SULF1: variants seen among roughly 807,000 people sequenced by gnomAD.
SULF1 encodes sulfatase 1.
Under a neutral mutation model 110.5 loss-of-function variants are expected in SULF1, and 46 were observed. The ratio of observed to expected loss-of-function variants is 0.42; its 90% CI spans 0.33 to 0.53. The LOEUF is 0.53. Among genes scored for constraint, SULF1 ranks in the 20% least tolerant of loss-of-function variants. The probability of loss-of-function intolerance (pLI) is 0.12; values close to 1 mark genes in which losing one functional copy is unlikely to be tolerated. For missense variants in SULF1, 941 were observed against 1,094.2 expected (o/e 0.86, Z 1.98); for synonymous variants, 371 against 387.1 (o/e 0.96, Z 0.49).
intron 3 of SULF1, among the ~76,000 whole-genome samples, chr8:69,512,509 C>T (rs1474141076): frequency 6.6e-6 from 1 of 152,210 alleles, no homozygotes; most frequent in East Asian, 1.9e-4. Flanking sequence ...GCTTGTGAAT[C>T]TGGGCAAGCC....
chr8:69,652,410 CTTGAG>C (rs1812411705), intron 22 of SULF1, among the ~76,000 whole-genome samples: 1 of 152,290 alleles, frequency 6.6e-6, no homozygotes, highest in African/African-American at 2.4e-5. Context: ...TGGAAGTTTT[CTTGAG>C]TTATCTGCTC....
At chr8:69,529,006 A>G (rs1176685658) in intron 3 of SULF1, among the ~76,000 whole-genome samples, 2 of 152,204 alleles carry the variant, frequency 1.3e-5, no homozygotes, top group Admixed American at 6.5e-5. Flanking sequence ...GGAACTTTCT[A>G]TGTACCAGCT....
chr8:69,616,115 GTATATATAATGTGTA>G (rs1460221097), intron 13 of SULF1, among the ~76,000 whole-genome samples: 1 of 145,546 alleles, frequency 6.9e-6, no homozygotes, highest in Non-Finnish European at 1.5e-5. Flanking sequence ...ATATGTGTGT[GTATATATAATGTGTA>G]TATATATACA....
chr8:69,477,947 C>G (rs1809370305), intron 1 of SULF1, among the ~76,000 whole-genome samples: 1 of 151,972 alleles, frequency 6.6e-6, no homozygotes, highest in Non-Finnish European at 1.5e-5. Flanking sequence ...GTGTTGACCT[C>G]CTGGGCTTAA....
intron 6 of SULF1, among the ~76,000 whole-genome samples, chr8:69,580,668 G>A (rs571436251): frequency 5.9e-5 from 9 of 152,154 alleles, no homozygotes; most frequent in South Asian, 4.1e-4. Flanking sequence ...CTAACACATG[G>A]TACATAAAAT....
intron 15 of SULF1, chr8:69,625,998 C>T (rs1161802797): frequency 3.3e-5 from 5 of 152,332 alleles, no homozygotes; most frequent in East Asian, 1.9e-4. Context: ...TCTCCAAGGC[C>T]CCACCAGAGC....
intron 3 of SULF1, among the ~76,000 whole-genome samples, chr8:69,552,916 T>A (rs1814832872): frequency 1.3e-5 from 2 of 152,192 alleles, no homozygotes; most frequent in South Asian, 4.1e-4. Flanking sequence ...AAAGGGAGAA[T>A]TTCCTAATCT....
At chr8:69,493,369 G>T (rs1241489060) in intron 1 of SULF1, among the ~76,000 whole-genome samples, 1 of 151,174 alleles carries the variant, frequency 6.6e-6, no homozygotes, top group Non-Finnish European at 1.5e-5. Context: ...CCCAGGCGAG[G>T]TACTGAAATT....
chr8:69,491,856 T>C (rs986712612), upstream of SULF1, among the ~76,000 whole-genome samples: 5 of 151,886 alleles, frequency 3.3e-5, no homozygotes, highest in Non-Finnish European at 7.4e-5. Context: ...GCATGCGGAA[T>C]GACAACAGAG....
upstream of SULF1, among the ~76,000 whole-genome samples, chr8:69,489,016 C>T (rs117460483): frequency 0.018 from 2,691 of 152,198 alleles, 24 homozygotes; most frequent in Middle Eastern, 0.034. Flanking sequence ...AGGAATGAGC[C>T]AGGTGGGCGT....
At chr8:69,563,654 T>C (rs1815668751) in intron 4 of SULF1, 43 bp downstream of exon 4, 1 of 255,292 alleles carries the variant, frequency 3.9e-6, no homozygotes, top group African/African-American at 2.2e-5. Context: ...GAGCTCTGTG[T>C]TGGAAATTCT....
At chr8:69,620,919 A>T in intron 13 of SULF1, 116 bp from the exon 14 acceptor site, 1 of 747,642 alleles carries the variant, frequency 1.3e-6, no homozygotes, top group Non-Finnish European at 2.1e-6. Flanking sequence ...CACTCTCCTT[A>T]ATGATATTGC....
intron 2 of SULF1, among the ~76,000 whole-genome samples, chr8:69,498,113 CCACACACACACA>C (rs71257190): frequency 3.0e-4 from 44 of 148,656 alleles, no homozygotes; most frequent in East Asian, 1.0e-3. Flanking sequence ...CTCTCTCTCT[CCACACACACACA>C]CACACACACA....
At chr8:69,498,100 T>C (rs907704339) in intron 2 of SULF1, among the ~76,000 whole-genome samples, 2 of 125,516 alleles carry the variant, frequency 1.6e-5, no homozygotes, top group Admixed American at 1.7e-4. Context: ...TCTCTCTCTG[T>C]CTCTCTCTCT....
intron 3 of SULF1, among the ~76,000 whole-genome samples, chr8:69,512,603 A>G (rs910812976): frequency 2.0e-5 from 3 of 152,304 alleles, no homozygotes; most frequent in Non-Finnish European, 4.4e-5. Flanking sequence ...GAGGGACTCA[A>G]AGAGAAGCTG....
At chr8:69,611,353 C>G (rs1808638952) in intron 13 of SULF1, among the ~76,000 whole-genome samples, 1 of 152,204 alleles carries the variant, frequency 6.6e-6, no homozygotes, top group Non-Finnish European at 1.5e-5. Flanking sequence ...TTGACTTTTA[C>G]AAGGGATTAT....
intron 3 of SULF1, among the ~76,000 whole-genome samples, chr8:69,542,902 G>T (rs1813958127): frequency 6.6e-6 from 1 of 152,118 alleles, no homozygotes; most frequent in Non-Finnish European, 1.5e-5. Context: ...AAATGTCATA[G>T]ATGGCATCCA....
chr8:69,551,430 AAC>A (rs1427678086), intron 3 of SULF1, among the ~76,000 whole-genome samples: 2 of 152,184 alleles, frequency 1.3e-5, no homozygotes, highest in East Asian at 3.8e-4. Context: ...CACTCAAAAG[AAC>A]ACTTCTGGAT....
intron 5 of SULF1, among the ~76,000 whole-genome samples, chr8:69,570,068 G>T (rs375879895): frequency 2.0e-4 from 31 of 152,196 alleles, no homozygotes; most frequent in African/African-American, 5.8e-4. Context: ...TGTGAAAATG[G>T]CAGGGAAGTA....
Sources: gnomAD v4.1 joint callset for allele counts (sites outside exome capture counted in the v4.1 genomes callset) on GRCh38, gnomAD v4.1.1 for gene constraint, MANE v1.5 for transcripts, NCBI Gene and HGNC (gene_info 2026-07-23, HGNC 2026-07-21) for gene names.